The following KLF7 variants were observed in gnomAD, a reference collection of about 807,000 sequenced individuals.
KLF7 encodes Krueppel-like factor 7.
In KLF7, 2 loss-of-function variants were observed where a neutral mutation model predicts 27.3. The observed-to-expected ratio is 0.07, with a 90% CI of 0.03 to 0.23. The LOEUF (loss-of-function observed/expected upper bound fraction) is 0.23. KLF7 is among the 10% of genes least tolerant of loss of function. KLF7 has a pLI of 1.00. For missense variants in KLF7, 221 were observed against 394.1 expected (o/e 0.56, Z 3.72); for synonymous variants, 165 against 162.4 (o/e 1.02, Z -0.12).
At chr2:207,145,588 T>A (rs1209901166) in intron 1 of KLF7, among the ~76,000 whole-genome samples, 1 of 152,246 alleles carries the variant, frequency 6.6e-6, no homozygotes, top group East Asian at 1.9e-4. Flanking sequence ...GAAAAGTTTT[T>A]GAGAAGAATA....
At chr2:207,094,920 T>C (rs1286999563) in intron 2 of KLF7, among the ~76,000 whole-genome samples, 4 of 152,156 alleles carry the variant, frequency 2.6e-5, no homozygotes, top group Non-Finnish European at 4.4e-5. Flanking sequence ...CCATGTGGCT[T>C]TTTCATTCAT....
chr2:207,155,071 G>T (rs2284929), intron 1 of KLF7, among the ~76,000 whole-genome samples: 35,464 of 151,976 alleles, frequency 0.23, 5,009 homozygotes, highest in Middle Eastern at 0.32. Flanking sequence ...GCCCTGCTGA[G>T]GCTTGGATCC....
chr2:207,117,424 C>T (rs1162809384), intron 2 of KLF7, among the ~76,000 whole-genome samples: 1 of 152,206 alleles, frequency 6.6e-6, no homozygotes, highest in South Asian at 2.1e-4. Context: ...ATCAAACCCT[C>T]CTATTCAGCT....
At chr2:207,165,343 G>T in intron 1 of KLF7, 124 bp downstream of exon 1, 1 of 1,362,350 alleles carries the variant, frequency 7.3e-7, no homozygotes, top group Non-Finnish European at 1.0e-6. Context: ...ACAACAGACA[G>T]CCAAAAAGGA....
chr2:207,095,500 G>A (rs2076609158), intron 2 of KLF7, among the ~76,000 whole-genome samples: 2 of 152,160 alleles, frequency 1.3e-5, no homozygotes, highest in South Asian at 4.1e-4. Context: ...TACGGAGAGA[G>A]GTGAGAAAAG....
Position 207,143,189 on chromosome 2 carries a change from T to G in KLF7, c.103-18785A>C, listed in dbSNP as rs935863546. On this transcript the variant is annotated intron_variant, in intron 1 of 3. Transcript: ENST00000309446. Reference sequence around the variant, plus strand: ...AAAAAAAATCTTAGCTAAAATACAATGCCACTGGATTAAGCACAGAATTAA... The same window carrying G: ...AAAAAAAATCTTAGCTAAAATACAAGGCCACTGGATTAAGCACAGAATTAA... Among the ~76,000 whole-genome samples, 4 of 152,200 alleles carry G rather than the reference T, an allele frequency of 2.6e-5. No homozygotes were observed. In the East Asian group the frequency reaches 7.7e-4, roughly 29 times the overall value.
At chr2:207,133,590 G>C (rs2077697033) in intron 1 of KLF7, among the ~76,000 whole-genome samples, 1 of 152,160 alleles carries the variant, frequency 6.6e-6, no homozygotes, top group Admixed American at 6.5e-5. Flanking sequence ...TTTCCATAAA[G>C]AGCAGTTTTC....
chr2:207,150,374 G>A lies in KLF7; in HGVS notation c.102+15093C>T, dbSNP rs573965112. Among the ~76,000 whole-genome samples the A allele has an allele frequency of 7.9e-5, 12 of 152,218 alleles. No homozygotes were observed. In the South Asian group the frequency reaches 2.5e-3, roughly 32 times the overall value. On this transcript the variant is annotated intron_variant, in intron 1 of 3. Transcript: ENST00000309446. ...AATTTTTCAAAGTACCACAATTAAG[G>A]TTCAAGTAACAGCCCCACTGGAACA...
intron 2 of KLF7, among the ~76,000 whole-genome samples, chr2:207,105,217 AGT>A (rs964550940): frequency 3.9e-5 from 6 of 152,244 alleles, no homozygotes; most frequent in African/African-American, 1.4e-4. Context: ...CCCGCACCTC[AGT>A]GTGAGATGAG....
At chr2:207,116,765 C>G (rs528808691) in intron 2 of KLF7, among the ~76,000 whole-genome samples, 40 of 152,254 alleles carry the variant, frequency 2.6e-4, no homozygotes, top group African/African-American at 9.1e-4. Flanking sequence ...TCTTCTCTAT[C>G]AAACAGAACT....
intron 2 of KLF7, among the ~76,000 whole-genome samples, chr2:207,107,237 C>T (rs1488206143): frequency 6.6e-6 from 1 of 152,120 alleles, no homozygotes; most frequent in Admixed American, 6.5e-5. Context: ...CCAAACAGCA[C>T]CCCACAGCTG....
At position 207,147,821 on chromosome 2, in the gene KLF7, G is replaced by A. The variant is rs549387817; in HGVS notation, c.102+17646C>T. ...TGCCGGATACTAACACCAGCCCCTCGCCTCGGTGGCTTCGATGGGTTCTGC... is the reference window on the plus strand; with the variant it reads ...TGCCGGATACTAACACCAGCCCCTCACCTCGGTGGCTTCGATGGGTTCTGC... On this transcript the variant is annotated intron_variant, in intron 1 of 3. Coordinates refer to ENST00000309446, the MANE Select transcript of KLF7 (RefSeq NM_003709.4). Among the ~76,000 whole-genome samples, 63 of 152,324 alleles carry A rather than the reference G, an allele frequency of 4.1e-4. 2 individuals carry two copies. In the South Asian group the frequency reaches 0.012, roughly 30 times the overall value.
chr2:207,138,890 C>T (rs772357479), intron 1 of KLF7, among the ~76,000 whole-genome samples: 6 of 152,200 alleles, frequency 3.9e-5, no homozygotes, highest in African/African-American at 9.6e-5. Flanking sequence ...TCTGTGTCTG[C>T]GATTGCCACG....
At chr2:207,167,369 T>C, upstream of KLF7, 2 of 337,228 alleles carry the variant, frequency 5.9e-6, no homozygotes, top group Non-Finnish European at 1.1e-5. Context: ...TTTGGAATGA[T>C]TGCAGAATTC....
chr2:207,138,900 G>A (rs1020579543), intron 1 of KLF7, among the ~76,000 whole-genome samples: 5 of 152,214 alleles, frequency 3.3e-5, no homozygotes, highest in African/African-American at 9.6e-5. Flanking sequence ...CGATTGCCAC[G>A]AAATTTGGTC....
At chr2:207,104,800 T>C (rs2076843707) in intron 2 of KLF7, among the ~76,000 whole-genome samples, 1 of 152,262 alleles carries the variant, frequency 6.6e-6, no homozygotes, top group Admixed American at 6.5e-5. Context: ...TCAATGCTCA[T>C]ATTCCCTTTG....
Position 207,148,120 on chromosome 2 carries a change from T to C in KLF7, c.102+17347A>G, listed in dbSNP as rs146511933. ...GTCCAATTCATGATCTCAAGCATTT[T>C]ATGGCAACACTTCCCTGTAAATCAA... On this transcript the variant is annotated intron_variant, in intron 1 of 3. Transcript: ENST00000309446. Among the ~76,000 whole-genome samples the C allele has an allele frequency of 3.0e-4, 46 of 152,362 alleles. No homozygotes were observed. In the East Asian group the frequency reaches 8.5e-3, roughly 28 times the overall value.
intron 2 of KLF7, chr2:207,110,216 T>G (rs1421488437): frequency 6.5e-6 from 1 of 153,854 alleles, no homozygotes; most frequent in Non-Finnish European, 1.5e-5. Flanking sequence ...CCTTTCTCCC[T>G]AAGAACTCAG....
chr2:207,085,986 C>CAAA (rs1162167373), intron 3 of KLF7, among the ~76,000 whole-genome samples: 89 of 109,954 alleles, frequency 8.1e-4, no homozygotes, highest in Middle Eastern at 5.1e-3. Flanking sequence ...AAATGTTGGC[C>CAAA]AAAAAAAAAA....
Sources: allele counts gnomAD v4.1 joint callset (sites outside exome capture counted in the v4.1 genomes callset), GRCh38; gene constraint gnomAD v4.1.1; transcripts MANE v1.5; gene names NCBI Gene and HGNC (gene_info 2026-07-23, HGNC 2026-07-21).